The following PRSS56 variants were observed in gnomAD, a reference collection of about 807,000 sequenced individuals.
PRSS56 encodes protease, serine 56.
In PRSS56, 55 loss-of-function variants were observed where a neutral mutation model predicts 66.8. The observed-to-expected ratio is 0.82, with a 90% CI of 0.66 to 1.03. The LOEUF is 1.03. Ranked by LOEUF, PRSS56 falls within the 50% of genes least tolerant of loss-of-function variation. The probability of loss-of-function intolerance (pLI) is 0.00; values close to 1 mark genes in which losing one functional copy is unlikely to be tolerated. For synonymous variants in PRSS56, 409 were observed against 387.9 expected (o/e 1.05, Z -0.64); for missense variants, 869 against 837.2 (o/e 1.04, Z -0.47).
chr2:232,524,619 A>T, intron 11 of PRSS56, 119 bp from the exon 12 acceptor site: 1 of 755,166 alleles, frequency 1.3e-6, no homozygotes, highest in Non-Finnish European at 2.1e-6. Context: ...TTCCCCACCT[A>T]TAGCATAAGA....
Position 232,520,608 on chromosome 2 carries a change from G to T in PRSS56, c.10G>T (p.Ala4Ser). 6.5e-6 allele frequency: 10 copies of T among 1,536,060 alleles called. No individual in the cohort carries two copies. The highest frequency in any genetic ancestry group is 8.7e-6 in the Non-Finnish European group (10 of 1,146,848). Residue 4 changes from alanine (A) to serine (S), a missense_variant, in exon 1 of 13, where the codon GCT (alanine) becomes TCT (serine). Physicochemically the swap from Ala to Ser is moderately conservative, Grantham distance 99 (BLOSUM62 1). Transcript: ENST00000617714. The stretch of plus-strand genomic sequence containing the variant: ...CCAGCTCCTGGTCACCATGCTGCTG[G>T]CTGTGCTGCTGCTGCTACCCCTCCC... Reference protein sequence around the residue: MLLAVLLLLPLPSS... With the variant: MLLSVLLLLPLPSS...
Position 232,525,644 on chromosome 2 carries a change from C to G in PRSS56, c.*138C>G, listed in dbSNP as rs1371435995. ...TGGGATGGGGTGGGGGTCCTGGGCCCCCCGTGTCTTCCCAGGTTTACAATC... is the reference window on the plus strand; with the variant it reads ...TGGGATGGGGTGGGGGTCCTGGGCCGCCCGTGTCTTCCCAGGTTTACAATC... On this transcript the variant is annotated 3_prime_UTR_variant, in exon 13 of 13. Coordinates refer to ENST00000617714, the MANE Select transcript of PRSS56 (RefSeq NM_001195129.2). The G allele has an allele frequency of 3.3e-6, 2 of 602,014 alleles. No individual in the cohort carries two copies. The highest frequency in any genetic ancestry group is 2.7e-6 in the Non-Finnish European group (1 of 370,410). The allele number at this position is 602,014 out of a possible 1,614,324, so 37.3% of individuals were successfully genotyped here. A position where few individuals can be genotyped will look rare whatever the true frequency, so the allele number is the denominator to read the frequency against.
intron 2 of PRSS56, 147 bp from the exon 3 acceptor site, chr2:232,521,669 G>C: frequency 1.2e-6 from 1 of 849,796 alleles, no homozygotes; most frequent in Non-Finnish European, 1.8e-6. Context: ...TGGTGACCAG[G>C]AGAAGTTCAT....
chr2:232,524,787 G>T lies in PRSS56; in HGVS notation c.1464G>T (p.Gly488=). The T allele has an allele frequency of 1.3e-6, 2 of 1,534,284 alleles. No individual in the cohort carries two copies. The highest frequency in any genetic ancestry group is 2.0e-5 in the Admixed American group (1 of 50,944). Residue 488 remains glycine, a synonymous_variant, in exon 12 of 13, where the codon GGG becomes GGT. Transcript: ENST00000617714. ...GACAGAAGTTGGCTGCCCTGCAGGG[G>T]GCCCATGCCTGGATCCTGCAGGTCC... is the stretch of plus-strand genomic sequence containing the variant. ...PLRQKLAALQ[G]AHAWILQVPS... is the part of the protein sequence containing the mutation.
At position 232,524,328 on chromosome 2, in the gene PRSS56, G is replaced by A. The variant is rs988105705; in HGVS notation, c.1373G>A (p.Arg458Gln). 6.5e-7 allele frequency: 1 copy of A among 1,535,750 alleles called. No homozygotes were observed. ...LHSGSRAAGT[R>Q]FPKRRPEPRG... ...CCAGGATCGCGGGCTGCAGGCACTCGGTTCCCGAAGCGGAGGCCGGAGCCG... is the reference window on the plus strand; with the variant it reads ...CCAGGATCGCGGGCTGCAGGCACTCAGTTCCCGAAGCGGAGGCCGGAGCCG... Residue 458 changes from arginine (R) to glutamine (Q), a missense_variant, in exon 11 of 13, where the codon CGG (arginine) becomes CAG (glutamine). By Grantham distance (43) the Arg-to-Gln change is conservative (BLOSUM62 1). This residue lies in a region of PRSS56 where 551 missense variants were observed against 506.9 expected (regional missense o/e 1.09). Transcript: ENST00000617714.
intron 1 of PRSS56, among the ~76,000 whole-genome samples, chr2:232,521,064 C>CT (rs1454384426): frequency 6.6e-6 from 1 of 152,180 alleles, no homozygotes; most frequent in Non-Finnish European, 1.5e-5. Context: ...GGGGTGGTGT[C>CT]TTTAAAAAAA....
chr2:232,523,085 A>G lies in PRSS56; in HGVS notation c.732A>G (p.Arg244=), dbSNP rs1367983732. Residue 244 remains arginine (R), a synonymous_variant, in exon 7 of 13, where the codon AGA becomes AGG. Transcript: ENST00000617714. ...ACGGGCCTGAGGCTGAAGCAGTGAG[A>G]GAGGCCCGTGTTCCCCTGCTCAGCA... ...FEDGPEAEAV[R]EARVPLLSTD... is the part of the protein sequence containing the mutation. The G allele has an allele frequency of 1.3e-6, 2 of 1,534,968 alleles. No homozygotes were observed. The highest frequency in any genetic ancestry group is 1.7e-6 in the Non-Finnish European group (2 of 1,146,334).
rs978649515 is a variant in PRSS56 at position 232,525,281 on chromosome 2, G to A, written c.1587G>A (p.Leu529=). Residue 529 remains leucine (L), a synonymous_variant, in exon 13 of 13, where the codon TTG becomes TTA. Coordinates refer to ENST00000617714, the MANE Select transcript of PRSS56 (RefSeq NM_001195129.2). ...TCAGAGCCTGGGTGCGGGCAGGCTT[G>A]GGGGGCCGGCATGTGGCCTTCAGCG... The part of the protein sequence containing the change: ...GLFRAWVRAG[L]GGRHVAFSGL... The A allele has an allele frequency of 9.9e-6, 15 of 1,521,666 alleles. No individual in the cohort carries two copies. The highest frequency in any genetic ancestry group is 2.0e-5 in the Admixed American group (1 of 49,832). 94.3% of individuals were successfully genotyped at this position (1,521,666 alleles called of 1,614,324 possible).
chr2:232,523,912 C>T lies in PRSS56; in HGVS notation c.1153C>T (p.His385Tyr). The T allele has an allele frequency of 6.6e-7, 1 of 1,515,646 alleles. No individual in the cohort carries two copies. The highest frequency in any genetic ancestry group is 8.8e-7 in the Non-Finnish European group (1 of 1,136,948). The allele number at this position is 1,515,646 out of a possible 1,614,324, so 93.9% of individuals were successfully genotyped here. The change falls in exon 9 of 13, where the codon CAC becomes TAC. Residue 385 changes from histidine to tyrosine, a missense_variant. By Grantham distance (83) the His-to-Tyr change is moderately conservative (BLOSUM62 2). Around this residue, in one of 3 missense-constraint regions of PRSS56, gnomAD observed 551 missense variants for 506.9 expected, o/e 1.09. Transcript: ENST00000617714. Reference protein sequence around the residue: ...GSQGACARLAHQQCLQRRRRC... With the variant: ...GSQGACARLAYQQCLQRRRRC... ...CCAGGGCGCCTGTGCGCGCCTGGCGCACCAGCAGTGCCTGCAGCGCCGGCG... is the reference window on the plus strand; with the variant it reads ...CCAGGGCGCCTGTGCGCGCCTGGCGTACCAGCAGTGCCTGCAGCGCCGGCG...
rs748163851 is a variant in PRSS56 at position 232,525,542 on chromosome 2, ACTGCTCCCAGGGG to A, written c.*40_*52del. 3.0e-6 allele frequency: 4 copies of A among 1,339,370 alleles called. No homozygotes were observed. In the South Asian group the frequency reaches 6.0e-5, roughly 20 times the overall value. The allele number at this position is 1,339,370 out of a possible 1,614,324, so 83.0% of individuals were successfully genotyped here. A position where few individuals can be genotyped will look rare whatever the true frequency, so the allele number is the denominator to read the frequency against. ...GGCCCCCAGCCCCTGGGGAGGACCT[ACTGCTCCCAGGGG>A]CTGAGAGGGGTTCGGGAGCATAATG... On this transcript the variant is annotated 3_prime_UTR_variant, in exon 13 of 13. Transcript: ENST00000617714.
rs58091792 is a variant in PRSS56, at chr2:232,524,457, G to C, written c.1414+88G>C. Reference sequence around the variant, plus strand: ...GCGCTTCTACTGCAGCTCCGGAAAGGGCTTACCCCATGGGGCAACAGGGTG... The same window carrying C: ...GCGCTTCTACTGCAGCTCCGGAAAGCGCTTACCCCATGGGGCAACAGGGTG... On this transcript the variant is annotated intron_variant, in intron 11 of 12. Coordinates refer to ENST00000617714, the MANE Select transcript of PRSS56 (RefSeq NM_001195129.2). 364,000 of 1,323,534 alleles carry C rather than the reference G, an allele frequency of 0.28. 52,539 individuals are homozygous for C. The highest frequency in any genetic ancestry group is 0.4 in the Admixed American group (18,635 of 46,108). The allele number at this position is 1,323,534 out of a possible 1,614,324, so 82.0% of individuals were successfully genotyped here.
At position 232,524,860 on chromosome 2, in the gene PRSS56, T is replaced by C. The variant is rs1320089131; in HGVS notation, c.1521+16T>C. On this transcript the variant is annotated intron_variant, in intron 12 of 12. Coordinates refer to ENST00000617714, the MANE Select transcript of PRSS56 (RefSeq NM_001195129.2). ...CTTTCATGAGGTAGGTCCCCAGGCT[T>C]CCAGACTCCTTCACGATGGCCTGGG... The C allele has an allele frequency of 6.6e-6, 10 of 1,513,412 alleles. No homozygotes were observed. The East Asian group carries it at 2.5e-4, about 37-fold the overall frequency. The allele number at this position is 1,513,412 out of a possible 1,614,324, so 93.7% of individuals were successfully genotyped here.
At chr2:232,522,395 C>A in intron 4 of PRSS56, 120 bp from the exon 5 acceptor site, 1 of 997,192 alleles carries the variant, frequency 1.0e-6, no homozygotes, top group Non-Finnish European at 1.4e-6. Flanking sequence ...CCTCCCCGGC[C>A]CGCCCTCCGT....
chr2:232,522,231 G>A, intron 4 of PRSS56, 71 bp downstream of exon 4: 2 of 1,309,784 alleles, frequency 1.5e-6, no homozygotes, highest in South Asian at 1.7e-5. Context: ...CGGGTTGTCC[G>A]GCGGGCGACG....
chr2:232,521,697 C>T (rs1367071565), intron 2 of PRSS56, 119 bp from the exon 3 acceptor site: 9 of 1,019,882 alleles, frequency 8.8e-6, no homozygotes, highest in Non-Finnish European at 1.3e-5. Flanking sequence ...GAAATAGAAC[C>T]CGTGTGGGCT....
intron 7 of PRSS56, 61 bp from the exon 8 acceptor site, chr2:232,523,355 G>C: frequency 4.9e-6 from 7 of 1,425,966 alleles, no homozygotes; most frequent in Non-Finnish European, 5.5e-6. Context: ...ACACCTGCCA[G>C]GCGTAAGGCA....
rs1691350901 is a variant in PRSS56 at position 232,524,177 on chromosome 2, C to T, written c.1325C>T (p.Pro442Leu). 6.5e-7 allele frequency: 1 copy of T among 1,528,840 alleles called. No individual in the cohort carries two copies. The highest frequency in any genetic ancestry group is 1.4e-5 in the African/African-American group (1 of 72,628). The allele number at this position is 1,528,840 out of a possible 1,614,324, so 94.7% of individuals were successfully genotyped here. The change falls in exon 10 of 13, where the codon CCC becomes CTC. Residue 442 changes from proline (P) to leucine (L), a missense_variant. Transcript: ENST00000617714. ...APALRESPLH[P>L]ARELRLHSGS... is the part of the protein sequence containing the mutation. ...GCGCTCAGGGAGTCTCCTCTGCACC[C>T]CGCCCGGGAGCTGCGGCTTCACTCA...
chr2:232,520,543 G>A lies in PRSS56; in HGVS notation c.-56G>A. The A allele has an allele frequency of 7.0e-7, 1 of 1,420,540 alleles. No individual in the cohort carries two copies. Among genetic ancestry groups the A allele is most frequent in the Admixed American group, 2.0e-5 (1 of 50,842 alleles). 88.0% of individuals were successfully genotyped at this position (1,420,540 alleles called of 1,614,324 possible). On this transcript the variant is annotated 5_prime_UTR_variant, in exon 1 of 13. Coordinates refer to ENST00000617714, the MANE Select transcript of PRSS56 (RefSeq NM_001195129.2). ...GGCACCAAAGGATAGGCACCCGGAA[G>A]GTGGACTCCGAGGAGGAGAGAGGAC...
At position 232,522,627 on chromosome 2, in the gene PRSS56, T is replaced by C; in HGVS notation, c.546+13T>C. ...GCCCCACCCCAAGGTGAGAAGGCAG[T>C]CCCCAGGCCCCCAAGGCTGGGCACC... On this transcript the variant is annotated intron_variant, in intron 5 of 12. Coordinates refer to ENST00000617714, the MANE Select transcript of PRSS56 (RefSeq NM_001195129.2). 13 of 1,533,490 alleles carry C rather than the reference T, an allele frequency of 8.5e-6. No individual in the cohort carries two copies. Among genetic ancestry groups the C allele is most frequent in the Non-Finnish European group, 1.1e-5 (13 of 1,145,382 alleles). The allele number at this position is 1,533,490 out of a possible 1,614,324, so 95.0% of individuals were successfully genotyped here.
Sources: allele counts gnomAD v4.1 joint callset (sites outside exome capture counted in the v4.1 genomes callset), GRCh38; gene constraint gnomAD v4.1.1; regional missense constraint gnomAD v4.1.1; transcripts MANE v1.5; gene names NCBI Gene and HGNC (gene_info 2026-07-23, HGNC 2026-07-21).